The following CLUAP1 variants were observed in gnomAD, a reference collection of about 807,000 sequenced individuals.
CLUAP1 encodes the protein clusterin-associated protein 1.
In CLUAP1, 50 loss-of-function variants were observed where a neutral mutation model predicts 55.0. The ratio of observed to expected loss-of-function variants is 0.91; its 90% CI spans 0.72 to 1.15. The LOEUF (loss-of-function observed/expected upper bound fraction) is 1.15. Ranked by LOEUF, CLUAP1 falls within the 50% of genes most tolerant of loss-of-function variation. The pLI is 0.00. For missense variants in CLUAP1, 530 were observed against 507.6 expected (o/e 1.04, Z -0.42); for synonymous variants, 195 against 175.4 (o/e 1.11, Z -0.88).
At chr16:3,529,726 T>TC (rs2038059245) in intron 9 of CLUAP1, among the ~76,000 whole-genome samples, 1 of 32,104 alleles carries the variant, frequency 3.1e-5, no homozygotes, top group African/African-American at 1.6e-4. Context: ...TATTATATAT[T>TC]ATATATATTA....
At chr16:3,501,915 C>G (rs1490955021) in intron 1 of CLUAP1, 1 of 152,134 alleles carries the variant, frequency 6.6e-6, no homozygotes, top group African/African-American at 2.4e-5. Flanking sequence ...TCATTTTAAT[C>G]ATCTGAACAA....
At chr16:3,496,720 GA>G (rs2037315868), upstream of CLUAP1, 1 of 530,410 alleles carries the variant, frequency 1.9e-6, no homozygotes, top group Admixed American at 1.9e-5. Context: ...CCAGGGACCA[GA>G]AGTTCGAGCG....
intron 6 of CLUAP1, among the ~76,000 whole-genome samples, chr16:3,516,901 T>C (rs1451222597): frequency 6.6e-6 from 1 of 152,072 alleles, no homozygotes; most frequent in East Asian, 1.9e-4. Context: ...AAGGGAACTA[T>C]TGGAAGCATG....
intron 11 of CLUAP1, chr16:3,534,052 G>C (rs555433132): frequency 2.6e-5 from 4 of 152,356 alleles, no homozygotes; most frequent in Admixed American, 2.6e-4. Context: ...TACGTGTTCA[G>C]GCATCCAACA....
intron 11 of CLUAP1, 135 bp downstream of exon 11, chr16:3,532,976 G>T (rs2038158988): frequency 1.5e-6 from 2 of 1,338,086 alleles, no homozygotes; most frequent in African/African-American, 1.5e-5. Context: ...TGCGTGGCAG[G>T]GTTTGGCCTC....
chr16:3,525,997 G>C (rs2037934037), intron 8 of CLUAP1, among the ~76,000 whole-genome samples: 1 of 152,146 alleles, frequency 6.6e-6, no homozygotes, highest in African/African-American at 2.4e-5. Context: ...CTGAAGGCAG[G>C]GCAGGAAAGA....
rs776986723 is a variant in CLUAP1, at chr16:3,536,279, G to T, written c.*8G>T. 1 of 1,613,516 alleles carries T rather than the reference G, an allele frequency of 6.2e-7. No homozygotes were observed. The highest frequency in any genetic ancestry group is 1.1e-5 in the South Asian group (1 of 91,026). ...AGTGACAATGACTTCTGACCCTTTT[G>T]CCAAGGGACCCTGGCAGATTAAAAC... On this transcript the variant is annotated 3_prime_UTR_variant, in exon 12 of 12. Coordinates refer to ENST00000576634, the MANE Select transcript of CLUAP1 (RefSeq NM_015041.3).
intron 8 of CLUAP1, among the ~76,000 whole-genome samples, 158 bp downstream of exon 8, chr16:3,523,457 C>T (rs1349537649): frequency 6.6e-6 from 1 of 152,156 alleles, no homozygotes; most frequent in East Asian, 1.9e-4. Flanking sequence ...GTTTGTTTTG[C>T]TGGCAGTGTA....
chr16:3,512,246 A>C, intron 4 of CLUAP1, 137 bp from the exon 5 acceptor site: 1 of 616,730 alleles, frequency 1.6e-6, no homozygotes, highest in Non-Finnish European at 2.9e-6. Flanking sequence ...CTATAATCCC[A>C]ACACTTTGGG....
chr16:3,522,118 G>A (rs2037850010), intron 7 of CLUAP1, among the ~76,000 whole-genome samples: 1 of 151,900 alleles, frequency 6.6e-6, no homozygotes, highest in Non-Finnish European at 1.5e-5. Flanking sequence ...CCTTTTTAGA[G>A]GATTGCTTTA....
intron 7 of CLUAP1, among the ~76,000 whole-genome samples, chr16:3,522,743 C>T (rs548938463): frequency 3.3e-5 from 5 of 151,860 alleles, no homozygotes; most frequent in Non-Finnish European, 7.4e-5. Context: ...ATTGAGATTA[C>T]GGTATATTGA....
chr16:3,519,392 GA>G (rs2037790710), intron 6 of CLUAP1, among the ~76,000 whole-genome samples: 1 of 152,242 alleles, frequency 6.6e-6, no homozygotes, highest in Admixed American at 6.5e-5. Flanking sequence ...CAGGGAGAGG[GA>G]AGAGGACCTT....
the CLUAP1 span, chr16:3,495,454 G>A: frequency 1.2e-6 from 2 of 1,604,686 alleles, no homozygotes; most frequent in Non-Finnish European, 1.7e-6. Flanking sequence ...GAGCAACCAG[G>A]ACTTGGGTGC....
intron 3 of CLUAP1, among the ~76,000 whole-genome samples, chr16:3,507,665 A>G (rs965486729): frequency 6.8e-6 from 1 of 147,142 alleles, no homozygotes; most frequent in Non-Finnish European, 1.5e-5. Flanking sequence ...CACTATTTTA[A>G]ATCTCTTCCA....
intron 3 of CLUAP1, among the ~76,000 whole-genome samples, chr16:3,507,680 T>TGTGTGTGTGTG: frequency 7.0e-6 from 1 of 143,084 alleles, no homozygotes; most frequent in Non-Finnish European, 1.5e-5. Context: ...CTTCCAGAGT[T>TGTGTGTGTGTG]TGTGTGTGTG....
At chr16:3,519,262 C>T (rs1277389805) in intron 6 of CLUAP1, among the ~76,000 whole-genome samples, 1 of 152,242 alleles carries the variant, frequency 6.6e-6, no homozygotes, top group East Asian at 1.9e-4. Flanking sequence ...CAACTGTTGC[C>T]CTGGACCCCT....
Position 3,529,452 on chromosome 16 carries a change from TA to T in CLUAP1, c.929-1115del, listed in dbSNP as rs1428073758. On this transcript the variant is annotated intron_variant, in intron 9 of 11. Coordinates refer to ENST00000576634, the MANE Select transcript of CLUAP1 (RefSeq NM_015041.3). ...ATATAATATATATTATATTATATAT[TA>T]TTATATATAATATATATTATATTAT... Among the ~76,000 whole-genome samples the T allele has an allele frequency of 1.2e-3, 66 of 53,398 alleles. 2 individuals carry two copies. The highest frequency in any genetic ancestry group is 8.2e-3 in the Middle Eastern group (1 of 122). The allele number at this position is 53,398 out of a possible 152,430, so 35.0% of individuals were successfully genotyped here. A position where few individuals can be genotyped will look rare whatever the true frequency, so the allele number is the denominator to read the frequency against.
Position 3,508,353 on chromosome 16 carries a change from A to G in CLUAP1, c.284A>G (p.Lys95Arg). The G allele has an allele frequency of 1.9e-6, 3 of 1,611,068 alleles. No homozygotes were observed. The highest frequency in any genetic ancestry group is 2.5e-6 in the Non-Finnish European group (3 of 1,179,248). Residue 95 changes from lysine (K) to arginine (R), a missense_variant, in exon 4 of 12, where the codon AAA becomes AGA. Transcript: ENST00000576634. ...TATCAAGCAGATGGGTATGCGGTAA[A>G]AGAGCTGCTGAAGATCACATCTGTC... ...KLYQADGYAVKELLKITSVLY... is the reference protein window; with the variant it reads ...KLYQADGYAVRELLKITSVLY...
Position 3,504,749 on chromosome 16 carries a change from T to C in CLUAP1, c.52T>C (p.Tyr18His), listed in dbSNP as rs770554988. Residue 18 changes from tyrosine to histidine, a missense_variant, in exon 2 of 12, where the codon TAC (tyrosine) becomes CAC (histidine). Physicochemically the swap from Tyr to His is moderately conservative, Grantham distance 83 (BLOSUM62 2). Transcript: ENST00000576634. ...NFTEMMRALG[Y>H]PRHISMENFR... ...CACAGAGATGATGAGAGCCCTGGGA[T>C]ACCCTCGACATATTTCTATGGAAAA... is the stretch of plus-strand genomic sequence containing the variant. 5.0e-6 allele frequency: 8 copies of C among 1,611,374 alleles called. No individual in the cohort carries two copies. Among genetic ancestry groups the C allele is most frequent in the Admixed American group, 3.3e-5 (2 of 60,010 alleles).
Sources: allele counts gnomAD v4.1 joint callset (sites outside exome capture counted in the v4.1 genomes callset), GRCh38; gene constraint gnomAD v4.1.1; transcripts MANE v1.5; gene names NCBI Gene and HGNC (gene_info 2026-07-23, HGNC 2026-07-21).